THRB: variants seen among roughly 807,000 people sequenced by gnomAD.
THRB encodes thyroid hormone receptor beta.
A neutral mutation model predicts 47.8 loss-of-function variants in THRB; 12 were observed. The ratio of observed to expected loss-of-function variants is 0.25; its 90% confidence interval spans 0.16 to 0.41. THRB has a LOEUF of 0.41. Ranked by LOEUF, THRB falls within the 10% of genes least tolerant of loss-of-function variation. The pLI is 1.00. For synonymous variants in THRB, 218 were observed against 212.2 expected (o/e 1.03, Z -0.24); for missense variants, 348 against 589.2 (o/e 0.59, Z 4.24).
At chr3:24,269,064 T>C (rs2052961706) in intron 3 of THRB, among the ~76,000 whole-genome samples, 1 of 152,208 alleles carries the variant, frequency 6.6e-6, no homozygotes, top group Non-Finnish European at 1.5e-5. Flanking sequence ...CATGGAATTA[T>C]GGCAATATCA....
intron 1 of THRB, among the ~76,000 whole-genome samples, chr3:24,441,593 G>T (rs533208047): frequency 2.6e-5 from 4 of 152,286 alleles, no homozygotes; most frequent in Non-Finnish European, 5.9e-5. Context: ...GAGTATTATT[G>T]AATGAACCGA....
At chr3:24,426,337 T>C (rs1362793085) in intron 1 of THRB, among the ~76,000 whole-genome samples, 3 of 151,970 alleles carry the variant, frequency 2.0e-5, no homozygotes, top group African/African-American at 4.8e-5. Flanking sequence ...TTGGTAGTTA[T>C]ATAAAATTGG....
At chr3:24,323,103 G>A (rs1186629070) in intron 2 of THRB, among the ~76,000 whole-genome samples, 1 of 152,162 alleles carries the variant, frequency 6.6e-6, no homozygotes, top group African/African-American at 2.4e-5. Context: ...TCCATAAAGT[G>A]ATGTCATTCC....
intron 3 of THRB, among the ~76,000 whole-genome samples, chr3:24,277,404 C>T (rs563730552): frequency 1.3e-5 from 2 of 152,128 alleles, no homozygotes; most frequent in African/African-American, 4.8e-5. Context: ...CAGTGTACAT[C>T]AGAATCACTT....
At chr3:24,216,839 T>C (rs1029297811) in intron 4 of THRB, among the ~76,000 whole-genome samples, 1 of 152,162 alleles carries the variant, frequency 6.6e-6, no homozygotes, top group African/African-American at 2.4e-5. Context: ...TGGTGTTAAA[T>C]GATTAAACTT....
intron 1 of THRB, among the ~76,000 whole-genome samples, chr3:24,347,317 C>T (rs1280446477): frequency 6.6e-6 from 1 of 151,720 alleles, no homozygotes; most frequent in Non-Finnish European, 1.5e-5. Flanking sequence ...ATAAGACAGT[C>T]AATGATTTAA....
At chr3:24,435,901 A>G (rs1483672043) in intron 1 of THRB, among the ~76,000 whole-genome samples, 4 of 152,236 alleles carry the variant, frequency 2.6e-5, no homozygotes, top group African/African-American at 4.8e-5. Context: ...CTTTCACTGA[A>G]GTAGAAATTA....
At chr3:24,145,539 A>G (rs2035972132) in intron 7 of THRB, among the ~76,000 whole-genome samples, 1 of 152,180 alleles carries the variant, frequency 6.6e-6, no homozygotes, top group African/African-American at 2.4e-5. Context: ...CCTATCAGGC[A>G]TATTGTTGGC....
At chr3:24,327,178 A>G (rs2061651483) in intron 2 of THRB, among the ~76,000 whole-genome samples, 1 of 152,154 alleles carries the variant, frequency 6.6e-6, no homozygotes, top group Non-Finnish European at 1.5e-5. Flanking sequence ...TTAGAATAAA[A>G]TCGGTAATTA....
chr3:24,340,290 G>A (rs2062542385), intron 1 of THRB, among the ~76,000 whole-genome samples: 2 of 151,976 alleles, frequency 1.3e-5, no homozygotes, highest in African/African-American at 4.8e-5. Flanking sequence ...ATTTTAAAGG[G>A]GTTAATATTA....
rs552323780 is a variant in THRB, at chr3:24,451,662, T to C, written c.-261+42990A>G. Among the ~76,000 whole-genome samples the C allele has an allele frequency of 2.0e-5, 3 of 152,322 alleles. No homozygotes were observed. The South Asian group carries it at 6.2e-4, about 32-fold the overall frequency. On this transcript the variant is annotated intron_variant, in intron 1 of 10. Coordinates refer to ENST00000646209, the MANE Select transcript of THRB (RefSeq NM_001354712.2). Reference sequence around the variant, plus strand: ...TCCTTTTGGTGAGGACAGCTCCTTATAAAGCAAATAGCTCCCCACTCTGAA... The same window carrying C: ...TCCTTTTGGTGAGGACAGCTCCTTACAAAGCAAATAGCTCCCCACTCTGAA...
chr3:24,439,690 T>C (rs1001148919), intron 1 of THRB, among the ~76,000 whole-genome samples: 3 of 152,224 alleles, frequency 2.0e-5, no homozygotes, highest in Non-Finnish European at 2.9e-5. Flanking sequence ...ATTAACTACA[T>C]GTTGGTAACT....
intron 4 of THRB, among the ~76,000 whole-genome samples, chr3:24,219,417 T>G (rs191051078): frequency 8.5e-5 from 13 of 152,278 alleles, no homozygotes; most frequent in Admixed American, 3.9e-4. Context: ...GGCCTTGGAG[T>G]GCAGGCCTGA....
rs1053966934 is a variant in THRB at position 24,132,540 on chromosome 3, G to A, written c.885+776C>T. 2.0e-5 allele frequency among the ~76,000 whole-genome samples: 3 copies of A among 152,216 alleles called. No homozygotes were observed. The East Asian group carries it at 5.8e-4, about 29-fold the overall frequency. ...ATTGTAATCCCCATTTTAAAGATGA[G>A]ATAAGTGAAGTTTGAAGACATTGGG... On this transcript the variant is annotated intron_variant, in intron 9 of 10. Transcript: ENST00000646209.
chr3:24,276,601 G>A lies in THRB; in HGVS notation c.-43+20625C>T, dbSNP rs75765817. 8.4e-3 allele frequency among the ~76,000 whole-genome samples: 1,277 copies of A among 152,348 alleles called. 19 individuals are homozygous for A. Among genetic ancestry groups the A allele is most frequent in the African/African-American group, 0.029 (1,192 of 41,574 alleles). ...CTTAGCCCAGTGCCTAGGACATAGT[G>A]ACTGTACAGACATGTTAGCCATTAT... On this transcript the variant is annotated intron_variant, in intron 3 of 10. Coordinates refer to ENST00000646209, the MANE Select transcript of THRB (RefSeq NM_001354712.2).
intron 3 of THRB, among the ~76,000 whole-genome samples, chr3:24,287,625 C>T (rs556099416): frequency 4.6e-5 from 7 of 152,158 alleles, no homozygotes; most frequent in Non-Finnish European, 1.0e-4. Context: ...TCAACAGGAG[C>T]GTTGTCCCAG....
At position 24,120,921 on chromosome 3, in the gene THRB, C is replaced by T. The variant is rs924379487; in HGVS notation, c.*1963G>A. ...GCTTTCATGCATTGAATATTTAATT[C>T]CCCGCTCCCAGATAATTTCCAATCA... On this transcript the variant is annotated 3_prime_UTR_variant, in exon 11 of 11. Coordinates refer to ENST00000646209, the MANE Select transcript of THRB (RefSeq NM_001354712.2). The T allele has an allele frequency of 1.3e-5, 2 of 152,132 alleles. No homozygotes were observed. The highest frequency in any genetic ancestry group is 2.9e-5 in the Non-Finnish European group (2 of 68,016). The allele number at this position is 152,132 out of a possible 1,614,324, so 9.4% of individuals were successfully genotyped here.
At chr3:24,317,259 C>T (rs2058181401) in intron 2 of THRB, among the ~76,000 whole-genome samples, 1 of 152,016 alleles carries the variant, frequency 6.6e-6, no homozygotes, top group Non-Finnish European at 1.5e-5. Flanking sequence ...GGAAACTTTC[C>T]AACTCTAGGG....
At chr3:24,130,921 G>A (rs1409478331) in intron 9 of THRB, among the ~76,000 whole-genome samples, 1 of 152,146 alleles carries the variant, frequency 6.6e-6, no homozygotes, top group Non-Finnish European at 1.5e-5. Context: ...GTATTCTTTG[G>A]AATACTATGT....
Sources: gnomAD v4.1 joint callset for allele counts (sites outside exome capture counted in the v4.1 genomes callset) on GRCh38, gnomAD v4.1.1 for gene constraint, MANE v1.5 for transcripts, NCBI Gene and HGNC (gene_info 2026-07-23, HGNC 2026-07-21) for gene names.